The following LRCH1 variants were observed in gnomAD, a reference collection of about 807,000 sequenced individuals.
LRCH1 encodes the protein leucine rich repeats and calponin homology domain containing 1.
Under a neutral mutation model 94.9 loss-of-function variants are expected in LRCH1, and 23 were observed. That is an observed-to-expected ratio of 0.24 (90% CI 0.17 to 0.34). LRCH1 has a LOEUF of 0.34. Ranked by LOEUF, LRCH1 falls within the 10% of genes least tolerant of loss-of-function variation. LRCH1 has a pLI of 1.00. For synonymous variants in LRCH1, 364 were observed against 354.9 expected (o/e 1.03, Z -0.29); for missense variants, 790 against 945.9 (o/e 0.84, Z 2.16).
intron 1 of LRCH1, among the ~76,000 whole-genome samples, chr13:46,588,703 T>A (rs1415579211): frequency 4.0e-5 from 6 of 150,672 alleles, no homozygotes; most frequent in Admixed American, 2.0e-4. Context: ...CGGGTTCAAG[T>A]GATTCTCCTG....
intron 2 of LRCH1, among the ~76,000 whole-genome samples, chr13:46,655,024 A>G (rs1005887315): frequency 2.2e-4 from 34 of 152,216 alleles, no homozygotes; most frequent in Non-Finnish European, 1.5e-5. Flanking sequence ...AAGATGCCAT[A>G]TGAAGCTACT....
At chr13:46,583,865 A>G (rs1409621465) in intron 1 of LRCH1, among the ~76,000 whole-genome samples, 2 of 152,020 alleles carry the variant, frequency 1.3e-5, no homozygotes, top group Non-Finnish European at 2.9e-5. Flanking sequence ...GGTTCAAGCA[A>G]TTCTCCTGCC....
chr13:46,717,447 T>A (rs1431038636), intron 16 of LRCH1: 2 of 152,158 alleles, frequency 1.3e-5, no homozygotes, highest in Non-Finnish European at 2.9e-5. Context: ...TCATGTCAGA[T>A]GTTTGGAGGT....
chr13:46,712,679 G>A, intron 15 of LRCH1, 82 bp downstream of exon 15: 1 of 1,240,888 alleles, frequency 8.1e-7, no homozygotes, highest in Non-Finnish European at 1.2e-6. Context: ...CATTATCAAT[G>A]TGCACATCCT....
chr13:46,598,583 A>G (rs1594274453), intron 1 of LRCH1, among the ~76,000 whole-genome samples: 1 of 76,424 alleles, frequency 1.3e-5, no homozygotes, highest in Non-Finnish European at 2.5e-5. Flanking sequence ...TAGTTTCACC[A>G]CTAACAACAA....
chr13:46,618,100 C>T (rs926405243), intron 1 of LRCH1, among the ~76,000 whole-genome samples: 9 of 152,234 alleles, frequency 5.9e-5, no homozygotes, highest in African/African-American at 1.4e-4. Flanking sequence ...TGAACATCAT[C>T]GAGTGACTTA....
At chr13:46,644,963 A>G (rs549514828) in intron 1 of LRCH1, among the ~76,000 whole-genome samples, 1 of 152,310 alleles carries the variant, frequency 6.6e-6, no homozygotes, top group Non-Finnish European at 1.5e-5. Flanking sequence ...AGCAGGACTA[A>G]TCTCATTCCT....
intron 16 of LRCH1, among the ~76,000 whole-genome samples, chr13:46,719,461 A>G (rs2138212435): frequency 6.6e-6 from 1 of 152,312 alleles, no homozygotes; most frequent in African/African-American, 2.4e-5. Context: ...GCCATGGGAG[A>G]GACACAGATA....
chr13:46,715,308 T>G (rs1872266291), intron 15 of LRCH1, among the ~76,000 whole-genome samples: 1 of 152,200 alleles, frequency 6.6e-6, no homozygotes, highest in African/African-American at 2.4e-5. Context: ...CTGTTAAGAT[T>G]AACAAATATG....
intron 1 of LRCH1, among the ~76,000 whole-genome samples, chr13:46,589,522 C>T (rs2050474495): frequency 2.0e-5 from 3 of 150,552 alleles, no homozygotes; most frequent in South Asian, 4.2e-4. Context: ...ACACAGTGCT[C>T]ATGCATTGCA....
rs778697857 is a variant in LRCH1, at chr13:46,692,602, A to G, written c.1081A>G (p.Ile361Val). 23 of 1,613,984 alleles carry G rather than the reference A, an allele frequency of 1.4e-5. No individual in the cohort carries two copies. The highest frequency in any genetic ancestry group is 5.0e-5 in the Admixed American group (3 of 59,994). ...MSNIMEEEQIIKEDSCHRLSP... is the reference protein window; with the variant it reads ...MSNIMEEEQIVKEDSCHRLSP... ...AAACATCATGGAAGAAGAACAGATC[A>G]TCAAGGAGGACTCGTGCCATCGCCT... Residue 361 changes from isoleucine to valine, a missense_variant, in exon 8 of 20, where the codon ATC (isoleucine) becomes GTC (valine). Ile to Val is a conservative substitution (Grantham distance 29, BLOSUM62 3). Coordinates refer to ENST00000389797, the MANE Select transcript of LRCH1 (RefSeq NM_001164211.2).
At chr13:46,673,895 C>G (rs1191767569) in intron 3 of LRCH1, among the ~76,000 whole-genome samples, 1 of 152,182 alleles carries the variant, frequency 6.6e-6, no homozygotes, top group African/African-American at 2.4e-5. Flanking sequence ...ATTCTCCTGC[C>G]TCAGCCTCCC....
chr13:46,617,668 A>T (rs1421350317), intron 1 of LRCH1, among the ~76,000 whole-genome samples: 2 of 152,144 alleles, frequency 1.3e-5, no homozygotes, highest in African/African-American at 4.8e-5. Flanking sequence ...TTGTCTTTGA[A>T]AGATACAGAT....
chr13:46,636,224 A>G (rs1594304226), intron 1 of LRCH1, among the ~76,000 whole-genome samples: 1 of 151,548 alleles, frequency 6.6e-6, no homozygotes, highest in African/African-American at 2.4e-5. Flanking sequence ...CATGTGCCAC[A>G]TGCCTGGCTA....
chr13:46,692,090 C>G (rs541647549), intron 7 of LRCH1, among the ~76,000 whole-genome samples: 1 of 152,284 alleles, frequency 6.6e-6, no homozygotes, highest in African/African-American at 2.4e-5. Context: ...ACACTTTCCA[C>G]CAGGCCCCAC....
intron 3 of LRCH1, among the ~76,000 whole-genome samples, chr13:46,672,698 G>C (rs2051617528): frequency 6.6e-6 from 1 of 152,222 alleles, no homozygotes; most frequent in Non-Finnish European, 1.5e-5. Context: ...CCTGGCCCCA[G>C]CTCTAACGAG....
intron 11 of LRCH1, among the ~76,000 whole-genome samples, chr13:46,702,334 TGTA>T (rs1169145231): frequency 6.6e-6 from 1 of 152,076 alleles, no homozygotes; most frequent in East Asian, 1.9e-4. Context: ...AAACCCTGTC[TGTA>T]CTAATAATAC....
At chr13:46,697,398 TTACAACCAACAG>T (rs1306223032) in intron 9 of LRCH1, among the ~76,000 whole-genome samples, 1 of 152,194 alleles carries the variant, frequency 6.6e-6, no homozygotes, top group Non-Finnish European at 1.5e-5. Context: ...TTGATGAACA[TTACAACCAACAG>T]CACTGTAACT....
chr13:46,554,086 C>A (rs914093604), intron 1 of LRCH1, among the ~76,000 whole-genome samples: 2 of 152,250 alleles, frequency 1.3e-5, no homozygotes, highest in Non-Finnish European at 2.9e-5. Context: ...GCTTCCTGGG[C>A]CCCGCGCAGG....
Sources: allele counts gnomAD v4.1 joint callset (sites outside exome capture counted in the v4.1 genomes callset), GRCh38; gene constraint gnomAD v4.1.1; transcripts MANE v1.5; gene names NCBI Gene and HGNC (gene_info 2026-07-23, HGNC 2026-07-21).